SPRR2B: variants seen among roughly 807,000 people sequenced by gnomAD.
SPRR2B encodes small proline rich protein 2B, also known as small proline-rich protein 2B.
A neutral mutation model predicts 1.0 loss-of-function variants in SPRR2B; 1 was observed. That is an observed-to-expected ratio of 1.01 (90% CI 0.36 to 4.77). The LOEUF (loss-of-function observed/expected upper bound fraction) is 4.77. SPRR2B is among the 30% of genes most tolerant of loss of function. The probability of loss-of-function intolerance (pLI) is 0.16; values close to 1 mark genes in which losing one functional copy is unlikely to be tolerated. For synonymous variants in SPRR2B, 27 were observed against 33.4 expected (o/e 0.81, Z 0.66); for missense variants, 53 against 88.7 (o/e 0.60, Z 1.62).
chr1:153,075,068 G>A (rs184984582), upstream of SPRR2B, among the ~76,000 whole-genome samples: 2 of 152,094 alleles, frequency 1.3e-5, no homozygotes, highest in East Asian at 1.9e-4. Context: ...TCACCAGGCC[G>A]GGAACGGTGG....
At chr1:153,075,492 T>A (rs1028423174), upstream of SPRR2B, among the ~76,000 whole-genome samples, 3 of 152,094 alleles carry the variant, frequency 2.0e-5, no homozygotes, top group African/African-American at 7.2e-5. Context: ...TTGGCCATAA[T>A]ATGATGAAAT....
chr1:153,075,292 G>A (rs906483495), upstream of SPRR2B, among the ~76,000 whole-genome samples: 4 of 151,864 alleles, frequency 2.6e-5, no homozygotes, highest in East Asian at 7.7e-4. Context: ...CAGTGAGGTG[G>A]CGTCACACCT....
At chr1:153,081,712 A>G in the SPRR2B span, among the ~76,000 whole-genome samples, 2 of 152,374 alleles carry the variant, frequency 1.3e-5, no homozygotes, top group African/African-American at 2.4e-5. Flanking sequence ...AATGAACACA[A>G]TATAATTACA....
chr1:153,071,945 T>C (rs1002306000), upstream of SPRR2B, among the ~76,000 whole-genome samples: 1 of 152,212 alleles, frequency 6.6e-6, no homozygotes, highest in Admixed American at 6.5e-5. Flanking sequence ...AATGCCATAT[T>C]GTTGTACATG....
At chr1:153,082,086 GT>G in the SPRR2B span, among the ~76,000 whole-genome samples, 1 of 151,956 alleles carries the variant, frequency 6.6e-6, no homozygotes, top group African/African-American at 2.4e-5. Flanking sequence ...TTAAACGGGT[GT>G]TAATTCAAAT....
the SPRR2B span, among the ~76,000 whole-genome samples, chr1:153,083,572 C>G: frequency 1.4e-4 from 21 of 152,236 alleles, no homozygotes; most frequent in Non-Finnish European, 2.2e-4. Context: ...TGAGAGTGAA[C>G]CAAGAGAAGA....
chr1:153,079,375 A>C, the SPRR2B span, among the ~76,000 whole-genome samples: 98 of 152,078 alleles, frequency 6.4e-4, no homozygotes, highest in South Asian at 1.7e-3. Flanking sequence ...TTAATTAGAT[A>C]CCATTTGTCA....
chr1:153,078,338 T>A, the SPRR2B span, among the ~76,000 whole-genome samples: 1 of 151,774 alleles, frequency 6.6e-6, no homozygotes, highest in African/African-American at 2.4e-5. Flanking sequence ...AAGACATGTA[T>A]ATATATTTCT....
upstream of SPRR2B, among the ~76,000 whole-genome samples, chr1:153,074,304 C>T (rs762042549): frequency 1.3e-5 from 2 of 151,932 alleles, no homozygotes; most frequent in Admixed American, 1.3e-4. Flanking sequence ...CATTTCAATA[C>T]TATACATTCC....
the SPRR2B span, among the ~76,000 whole-genome samples, chr1:153,082,535 A>G: frequency 6.6e-6 from 1 of 152,176 alleles, no homozygotes; most frequent in Non-Finnish European, 1.5e-5. Flanking sequence ...AGGAAATAAA[A>G]CTAAAATCTT....
the SPRR2B span, among the ~76,000 whole-genome samples, chr1:153,087,383 A>G: frequency 6.6e-6 from 1 of 152,196 alleles, no homozygotes; most frequent in African/African-American, 2.4e-5. Flanking sequence ...CAAGAAGATT[A>G]TAAGAAATAA....
At chr1:153,078,713 A>G in the SPRR2B span, among the ~76,000 whole-genome samples, 9 of 152,172 alleles carry the variant, frequency 5.9e-5, no homozygotes, top group African/African-American at 1.9e-4. Context: ...TTATGGCTGC[A>G]TAGTATTCCA....
upstream of SPRR2B, among the ~76,000 whole-genome samples, chr1:153,073,984 T>G (rs1654724395): frequency 6.6e-6 from 1 of 152,196 alleles, no homozygotes; most frequent in South Asian, 2.1e-4. Flanking sequence ...GTGTTCATAA[T>G]GCTATGAAAT....
chr1:153,085,582 T>C, the SPRR2B span, among the ~76,000 whole-genome samples: 4 of 152,290 alleles, frequency 2.6e-5, no homozygotes, highest in East Asian at 5.8e-4. Context: ...AGAAGGGAAG[T>C]GTGTAACCAA....
the SPRR2B span, among the ~76,000 whole-genome samples, chr1:153,086,223 G>A: frequency 4.6e-5 from 7 of 152,056 alleles, no homozygotes; most frequent in Admixed American, 6.6e-5. Flanking sequence ...CAATTAAAAC[G>A]CAGAGTGGCA....
At position 153,070,601 on chromosome 1, in the gene SPRR2B, C is replaced by G. The variant is rs752856669; in HGVS notation, c.*20G>C. 37 of 1,609,024 alleles carry G rather than the reference C, an allele frequency of 2.3e-5. No individual in the cohort carries two copies. Among genetic ancestry groups the G allele is most frequent in the Non-Finnish European group, 3.0e-5 (35 of 1,178,402 alleles). ...CCAATTATCCTTATCCTCTCATGCT[C>G]CTGATGAATCCTGAAGCTGTTACTT... On this transcript the variant is annotated 3_prime_UTR_variant, in exon 2 of 2. Coordinates refer to ENST00000368755, the MANE Select transcript of SPRR2B (RefSeq NM_001388198.1).
chr1:153,083,523 T>G, the SPRR2B span, among the ~76,000 whole-genome samples: 2 of 151,900 alleles, frequency 1.3e-5, no homozygotes, highest in African/African-American at 4.8e-5. Context: ...GAACCGAGAT[T>G]ACAGGTGCAC....
chr1:153,080,760 G>C, the SPRR2B span, among the ~76,000 whole-genome samples: 1 of 152,118 alleles, frequency 6.6e-6, no homozygotes, highest in Non-Finnish European at 1.5e-5. Flanking sequence ...ATAATTTTAT[G>C]ATACGATCCA....
At chr1:153,086,907 A>C in the SPRR2B span, among the ~76,000 whole-genome samples, 1 of 152,236 alleles carries the variant, frequency 6.6e-6, no homozygotes, top group Non-Finnish European at 1.5e-5. Context: ...ATAACATTAG[A>C]AATTAAGACT....
Sources: gnomAD v4.1 joint callset for allele counts (sites outside exome capture counted in the v4.1 genomes callset) on GRCh38, gnomAD v4.1.1 for gene constraint, MANE v1.5 for transcripts, NCBI Gene and HGNC (gene_info 2026-07-23, HGNC 2026-07-21) for gene names.